Variants in ADGRV1 observed in about 807,000 individuals in gnomAD.
ADGRV1 encodes the protein G-protein coupled receptor 98.
In ADGRV1, 359 loss-of-function variants were observed where a neutral mutation model predicts 596.2. The observed-to-expected ratio is 0.60, with a 90% CI of 0.55 to 0.66. ADGRV1 has a LOEUF of 0.66. Ranked by LOEUF, ADGRV1 falls within the 30% of genes least tolerant of loss-of-function variation. The pLI, the probability that ADGRV1 is intolerant of heterozygous loss-of-function variation, is 0.00. For missense variants in ADGRV1, 7,274 were observed against 7,575.6 expected, an observed-to-expected ratio of 0.96 and a Z score of 1.48; for synonymous variants, 2,681 against 2,679.2, an observed-to-expected ratio of 1.00 and a Z score of -0.02.
At chr5:91,012,607 G>C (rs1468801553) in intron 85 of ADGRV1, among the ~76,000 whole-genome samples, 1 of 151,886 alleles carries the variant, frequency 6.6e-6, no homozygotes, top group East Asian at 1.9e-4. Flanking sequence ...CAAGTAATGT[G>C]CTCAATGCTG....
intron 79 of ADGRV1, among the ~76,000 whole-genome samples, chr5:90,850,400 C>T (rs1354996331): frequency 6.6e-6 from 1 of 152,106 alleles, no homozygotes; most frequent in Non-Finnish European, 1.5e-5. Flanking sequence ...CCTAAATGTC[C>T]ATCTGAGACC....
intron 84 of ADGRV1, among the ~76,000 whole-genome samples, chr5:90,971,391 A>T (rs879088505): frequency 6.6e-6 from 1 of 152,076 alleles, no homozygotes; most frequent in Admixed American, 6.6e-5. Flanking sequence ...TCGAAGACAC[A>T]TAATTGTCAG....
chr5:91,153,775 A>T (rs1482394613), intron 89 of ADGRV1, among the ~76,000 whole-genome samples: 1 of 152,214 alleles, frequency 6.6e-6, no homozygotes, highest in African/African-American at 2.4e-5. Context: ...TGAAGCAGAA[A>T]CTTTCCAAGG....
chr5:91,114,856 C>A (rs1792712578), intron 87 of ADGRV1, among the ~76,000 whole-genome samples: 2 of 152,160 alleles, frequency 1.3e-5, no homozygotes, highest in Admixed American at 6.5e-5. Flanking sequence ...CTGTCATTTC[C>A]TTTTTCTTTG....
chr5:90,822,862 T>A (rs1245015715), intron 75 of ADGRV1, among the ~76,000 whole-genome samples: 2 of 152,184 alleles, frequency 1.3e-5, no homozygotes, highest in African/African-American at 4.8e-5. Context: ...GTAAGTTGGA[T>A]TCCTAGGTAT....
At position 90,701,131 on chromosome 5, in the gene ADGRV1, T is replaced by G. The variant is rs959922653; in HGVS notation, c.8156-2534T>G. ...TCGTATCAAGATGATCGTCCAGTTA[T>G]GTAGTCAGACACTTTGTTATGTAAG... On this transcript the variant is annotated intron_variant, in intron 34 of 89. Transcript: ENST00000405460. Among the ~76,000 whole-genome samples the G allele has an allele frequency of 3.9e-5, 6 of 152,152 alleles. No homozygotes were observed. In the East Asian group the frequency reaches 1.2e-3, roughly 29 times the overall value.
In ADGRV1 at chr5:91,155,777, G is replaced by A. The variant is rs575296567; in HGVS notation, c.18802+2379G>A. On this transcript the variant is annotated intron_variant, in intron 89 of 89. Coordinates refer to ENST00000405460, the MANE Select transcript of ADGRV1 (RefSeq NM_032119.4). ...GAACATAGTGAGCCATGTAGGTTTTGGAGGAAAGAAATGGCATGTTCCTAT... is the reference window on the plus strand; with the variant it reads ...GAACATAGTGAGCCATGTAGGTTTTAGAGGAAAGAAATGGCATGTTCCTAT... Among the ~76,000 whole-genome samples, 4 of 152,284 alleles carry A rather than the reference G, an allele frequency of 2.6e-5. No homozygotes were observed. In the South Asian group the frequency reaches 6.2e-4, roughly 24 times the overall value.
intron 85 of ADGRV1, among the ~76,000 whole-genome samples, chr5:90,988,968 A>C (rs1780734153): frequency 6.6e-6 from 1 of 151,774 alleles, no homozygotes; most frequent in African/African-American, 2.4e-5. Flanking sequence ...AAGGACATGA[A>C]CTCATCATTT....
At chr5:90,994,079 C>G (rs892779535) in intron 85 of ADGRV1, among the ~76,000 whole-genome samples, 1 of 144,550 alleles carries the variant, frequency 6.9e-6, no homozygotes, top group Non-Finnish European at 1.5e-5. Context: ...TTTTTGGAGA[C>G]AGAGTTTCGC....
chr5:91,040,143 A>G (rs927700236), intron 85 of ADGRV1, among the ~76,000 whole-genome samples: 12 of 152,326 alleles, frequency 7.9e-5, no homozygotes, highest in East Asian at 1.9e-4. Context: ...GCTTTTACAT[A>G]TATGGTTTCA....
intron 87 of ADGRV1, among the ~76,000 whole-genome samples, chr5:91,129,721 C>T (rs1156992334): frequency 1.3e-5 from 2 of 152,096 alleles, no homozygotes; most frequent in Non-Finnish European, 2.9e-5. Flanking sequence ...TTCTTTTCAA[C>T]TATTAAAAAA....
At chr5:91,096,354 C>T (rs1458437910) in intron 86 of ADGRV1, among the ~76,000 whole-genome samples, 3 of 152,070 alleles carry the variant, frequency 2.0e-5, no homozygotes, top group African/African-American at 4.8e-5. Flanking sequence ...CAGTTAAATT[C>T]GTGGAAATAA....
chr5:90,837,365 C>CTTTTTTTTTTTTTTTTTTTTTTTTTT (rs869265781), intron 77 of ADGRV1, among the ~76,000 whole-genome samples: 1 of 144,066 alleles, frequency 6.9e-6, no homozygotes, highest in Admixed American at 7.0e-5. Context: ...TATTGATTTT[C>CTTTTTTTTTTTTTTTTTTTTTTTTTT]TTTTTTTTTT....
At chr5:90,814,353 A>C (rs1762709374) in intron 74 of ADGRV1, among the ~76,000 whole-genome samples, 1 of 152,092 alleles carries the variant, frequency 6.6e-6, no homozygotes, top group Admixed American at 6.6e-5. Flanking sequence ...TGTTTCCTTA[A>C]CCCAACCTAC....
At chr5:91,091,788 G>A (rs565462797) in intron 86 of ADGRV1, 1 of 152,136 alleles carries the variant, frequency 6.6e-6, no homozygotes, top group South Asian at 2.1e-4. Flanking sequence ...TCAAGCAGAA[G>A]AAAGGTGAAG....
intron 1 of ADGRV1, among the ~76,000 whole-genome samples, chr5:90,569,189 T>C (rs368514481): frequency 1.3e-5 from 2 of 151,622 alleles, no homozygotes; most frequent in Non-Finnish European, 2.9e-5. Flanking sequence ...TATTGTTCCA[T>C]TCATGAGGGC....
intron 1 of ADGRV1, among the ~76,000 whole-genome samples, chr5:90,586,347 AC>A (rs1758758448): frequency 6.6e-6 from 1 of 152,150 alleles, no homozygotes; most frequent in African/African-American, 2.4e-5. Context: ...TAATAAGTCC[AC>A]CTTCAAATTT....
At chr5:91,126,570 A>G (rs936894941) in intron 87 of ADGRV1, among the ~76,000 whole-genome samples, 1 of 152,212 alleles carries the variant, frequency 6.6e-6, no homozygotes, top group African/African-American at 2.4e-5. Flanking sequence ...GCAACCAGGA[A>G]GGTAAAGCCG....
Position 90,625,260 on chromosome 5 carries a change from T to A in ADGRV1, c.672+17T>A. ...GATGACGAGGTTGGCTAATGTTACA[T>A]ACCCAAATGGGACAAGGATTCTGTG... On this transcript the variant is annotated intron_variant, in intron 6 of 89. Transcript: ENST00000405460. The A allele has an allele frequency of 4.7e-6, 7 of 1,474,864 alleles. No homozygotes were observed. Among genetic ancestry groups the A allele is most frequent in the Non-Finnish European group, 6.6e-6 (7 of 1,055,218 alleles). The allele number at this position is 1,474,864 out of a possible 1,614,324, so 91.4% of individuals were successfully genotyped here. A position where few individuals can be genotyped will look rare whatever the true frequency, so the allele number is the denominator to read the frequency against.
Sources: gnomAD v4.1 joint callset for allele counts (sites outside exome capture counted in the v4.1 genomes callset) on GRCh38, gnomAD v4.1.1 for gene constraint, MANE v1.5 for transcripts, NCBI Gene and HGNC (gene_info 2026-07-23, HGNC 2026-07-21) for gene names.